Variants in SMO observed in about 807,000 individuals in gnomAD.
SMO encodes the protein protein smoothened.
SMO carries 40 observed loss-of-function variants against 81.6 expected under a neutral mutation model. That is an observed-to-expected ratio of 0.49 (90% CI 0.38 to 0.64). SMO has a LOEUF of 0.64. Among genes scored for constraint, SMO ranks in the 30% least tolerant of loss-of-function variants. The pLI is 0.00. For synonymous variants in SMO, 434 were observed against 432.1 expected, an observed-to-expected ratio of 1.00 and a Z score of -0.05; for missense variants, 916 against 1,061.1, an observed-to-expected ratio of 0.86 and a Z score of 1.90.
At chr7:129,193,213 C>T (rs1793504254) in intron 1 of SMO, among the ~76,000 whole-genome samples, 1 of 152,194 alleles carries the variant, frequency 6.6e-6, no homozygotes. Context: ...CCCTGAGAGC[C>T]AGCACGTAGC....
intron 1 of SMO, among the ~76,000 whole-genome samples, chr7:129,193,684 G>A (rs1342148535): frequency 2.9e-5 from 4 of 139,286 alleles, no homozygotes; most frequent in East Asian, 2.2e-4. Context: ...GCGGGAACCC[G>A]GGAGGCAGAG....
chr7:129,190,720 G>C (rs981095979), intron 1 of SMO, among the ~76,000 whole-genome samples: 12 of 152,262 alleles, frequency 7.9e-5, no homozygotes, highest in African/African-American at 2.9e-4. Context: ...CCATGAGGAA[G>C]AGCTGCATCC....
intron 1 of SMO, among the ~76,000 whole-genome samples, chr7:129,201,634 T>C (rs971341858): frequency 7.2e-5 from 11 of 152,140 alleles, no homozygotes. Context: ...TTTCTGCAAG[T>C]ACCTATGTAC....
chr7:129,204,557 A>G (rs1793726812), intron 2 of SMO, among the ~76,000 whole-genome samples: 1 of 151,960 alleles, frequency 6.6e-6, no homozygotes, highest in Non-Finnish European at 1.5e-5. Context: ...GAGGCAGTAG[A>G]ATCGCTTGAA....
chr7:129,193,801 T>A (rs1319447917), intron 1 of SMO, among the ~76,000 whole-genome samples: 7 of 95,050 alleles, frequency 7.4e-5, no homozygotes, highest in South Asian at 3.9e-4. Context: ...TATATATATA[T>A]ATATATATAT....
chr7:129,193,880 G>A (rs1306351965), intron 1 of SMO, among the ~76,000 whole-genome samples: 1 of 138,938 alleles, frequency 7.2e-6, no homozygotes, highest in South Asian at 2.4e-4. Context: ...TGAGGCAGGA[G>A]GATTTCTTGA....
Position 129,206,675 on chromosome 7 carries a change from C to G in SMO, c.1264+88C>G, listed in dbSNP as rs1793771561. On this transcript the variant is annotated intron_variant, in intron 6 of 11. Transcript: ENST00000249373. This position sits in a 1 kb window ranked among gnomAD's most constrained non-coding sequence, Gnocchi z 4.4. ...ACTGGGAGCTGCCAGCACGGCTGCC[C>G]CCATGCTGAAACCCCAGCTAGCTCC... The G allele has an allele frequency of 2.1e-6, 3 of 1,461,178 alleles. No homozygotes were observed. In the African/African-American group the frequency reaches 4.2e-5, roughly 20 times the overall value. The allele number at this position is 1,461,178 out of a possible 1,614,324, so 90.5% of individuals were successfully genotyped here.
At chr7:129,203,247 G>A in intron 1 of SMO, 137 bp from the exon 2 acceptor site, 1 of 665,760 alleles carries the variant, frequency 1.5e-6, no homozygotes, top group Non-Finnish European at 2.6e-6. Context: ...CAGATGCACT[G>A]TTGAGAAACA....
chr7:129,203,339 C>A (rs925564279), intron 1 of SMO, 45 bp from the exon 2 acceptor site: 3 of 1,425,792 alleles, frequency 2.1e-6, no homozygotes, highest in South Asian at 2.5e-5. Context: ...GTCTGTGGGT[C>A]AGAGTGAGGA....
intron 6 of SMO, among the ~76,000 whole-genome samples, chr7:129,207,588 A>G (rs142710599): frequency 3.3e-5 from 5 of 152,286 alleles, no homozygotes; most frequent in Non-Finnish European, 2.9e-5. Flanking sequence ...GGTAATCACT[A>G]GCCACATGTG....
intron 1 of SMO, among the ~76,000 whole-genome samples, chr7:129,192,170 C>T (rs1793490222): frequency 6.6e-6 from 1 of 152,122 alleles, no homozygotes; most frequent in South Asian, 2.1e-4. Flanking sequence ...TGGCATTTAA[C>T]CCATAACTTG....
chr7:129,212,045 A>G lies in SMO; in HGVS notation c.1958A>G (p.Asn653Ser), dbSNP rs781206531. ...ATPVPPEEQANLWLVEAEISP... is the reference protein window; with the variant it reads ...ATPVPPEEQASLWLVEAEISP... The stretch of plus-strand genomic sequence containing the variant: ...TCAGTGCCCCCAGAGGAACAAGCCA[A>G]CCTGTGGCTGGTTGAGGCAGAGATC... Residue 653 changes from asparagine to serine, a missense_variant, in exon 12 of 12, where the codon AAC (asparagine) becomes AGC (serine). By Grantham distance (46) the Asn-to-Ser change is conservative. Around this residue, in one of 4 missense-constraint regions of SMO, gnomAD observed 324 missense variants for 312.9 expected, o/e 1.04. Transcript: ENST00000249373. This position sits in a 1 kb window ranked among gnomAD's most constrained non-coding sequence, Gnocchi z 5.0. 4 of 1,588,914 alleles carry G rather than the reference A, an allele frequency of 2.5e-6. No individual in the cohort carries two copies. Among genetic ancestry groups the G allele is most frequent in the African/African-American group, 2.7e-5 (2 of 74,556 alleles).
Position 129,210,196 on chromosome 7 carries a change from C to T in SMO, c.1467-167C>T, listed in dbSNP as rs1391999558. ...AAAACCCCACCTGTAGTCCCAGCTA[C>T]TTGGGAGGCTGAAGCAGGAGATTGC... On this transcript the variant is annotated intron_variant, in intron 8 of 11. Coordinates refer to ENST00000249373, the MANE Select transcript of SMO (RefSeq NM_005631.5). The surrounding 1 kb of genome is among the most constrained non-coding windows in gnomAD (Gnocchi z 4.7). The T allele has an allele frequency of 1.5e-5, 9 of 591,876 alleles. No individual in the cohort carries two copies. In the East Asian group the frequency reaches 2.0e-4, roughly 13 times the overall value. 36.7% of individuals were successfully genotyped at this position (591,876 alleles called of 1,614,324 possible). A position where few individuals can be genotyped will look rare whatever the true frequency, so the allele number is the denominator to read the frequency against.
intron 1 of SMO, among the ~76,000 whole-genome samples, chr7:129,191,140 T>C (rs1316463548): frequency 6.6e-6 from 1 of 152,200 alleles, no homozygotes; most frequent in Non-Finnish European, 1.5e-5. Context: ...GGATAATCTT[T>C]CTGTCCCTCT....
rs565878654 is a variant in SMO at position 129,210,340 on chromosome 7, C to T, written c.1467-23C>T. Reference sequence around the variant, plus strand: ...AGAGGAAAAGAAAGGAAAGCCTCACCTGTCTACGTTCCCTCACTGTAGATG... The same window carrying T: ...AGAGGAAAAGAAAGGAAAGCCTCACTTGTCTACGTTCCCTCACTGTAGATG... On this transcript the variant is annotated intron_variant, in intron 8 of 11. Transcript: ENST00000249373. The surrounding 1 kb of genome is among the most constrained non-coding windows in gnomAD (Gnocchi z 4.7). 6 of 1,594,936 alleles carry T rather than the reference C, an allele frequency of 3.8e-6. No individual in the cohort carries two copies. Among genetic ancestry groups the T allele is most frequent in the Non-Finnish European group, 5.2e-6 (6 of 1,162,800 alleles).
At chr7:129,192,603 C>G (rs1195003107) in intron 1 of SMO, among the ~76,000 whole-genome samples, 1 of 152,060 alleles carries the variant, frequency 6.6e-6, no homozygotes, top group Non-Finnish European at 1.5e-5. Context: ...GACTGGGTAG[C>G]AGGACAGAGG....
chr7:129,189,199 G>GCTC lies in SMO; in HGVS notation c.50_51insCCT (p.Leu23dup), dbSNP rs936754227. ...GGGGGCCGGAGCTCCCGCTCCTGGG[G>GCTC]CTGCTGCTGCTGCTGCTGCTGGGGG... On this transcript the variant is annotated inframe_insertion, in exon 1 of 12. Coordinates refer to ENST00000249373, the MANE Select transcript of SMO (RefSeq NM_005631.5). The surrounding 1 kb of genome is among the most constrained non-coding windows in gnomAD (Gnocchi z 4.7). 86 of 980,490 alleles carry GCTC rather than the reference G, an allele frequency of 8.8e-5. No individual in the cohort carries two copies. The South Asian group carries it at 1.0e-3, about 12-fold the overall frequency. 60.7% of individuals were successfully genotyped at this position (980,490 alleles called of 1,614,324 possible).
intron 1 of SMO, among the ~76,000 whole-genome samples, chr7:129,196,327 TTGTG>T (rs57674265): frequency 3.4e-5 from 5 of 145,026 alleles, no homozygotes; most frequent in African/African-American, 1.0e-4. Flanking sequence ...CTATTCTTGA[TTGTG>T]TGTGTGTGTG....
rs1405646224 is a variant in SMO, at chr7:129,206,594, G to C, written c.1264+7G>C. 6.2e-7 allele frequency: 1 copy of C among 1,614,098 alleles called. No individual in the cohort carries two copies. Among genetic ancestry groups the C allele is most frequent in the Admixed American group, 1.7e-5 (1 of 60,008 alleles). ...GGCTACTTCCTCATCCGAGGTGAGT[G>C]AAGACCAGGCCAGGACCAGTTGGGC... is the stretch of plus-strand genomic sequence containing the variant. On this transcript the variant is annotated splice_region_variant and intron_variant, in intron 6 of 11. Transcript: ENST00000249373. The surrounding 1 kb of genome is among the most constrained non-coding windows in gnomAD (Gnocchi z 4.4).
Sources: gnomAD v4.1 joint callset for allele counts (sites outside exome capture counted in the v4.1 genomes callset) on GRCh38, gnomAD v4.1.1 for gene constraint, gnomAD v4.1.1 regional missense constraint, Gnocchi (gnomAD v3.1) non-coding constraint, MANE v1.5 for transcripts, NCBI Gene and HGNC (gene_info 2026-07-23, HGNC 2026-07-21) for gene names.